Variants in RPS6KA3 observed in about 807,000 individuals in gnomAD.
RPS6KA3 encodes ribosomal protein S6 kinase A3.
Under a neutral mutation model 67.2 loss-of-function variants are expected in RPS6KA3, and 4 were observed. The ratio of observed to expected loss-of-function variants is 0.06; its 90% CI spans 0.03 to 0.14. The LOEUF is 0.14. RPS6KA3 is among the 10% of genes least tolerant of loss of function. The probability of loss-of-function intolerance (pLI) is 1.00; values close to 1 mark genes in which losing one functional copy is unlikely to be tolerated. For missense variants in RPS6KA3, 204 were observed against 559.0 expected (o/e 0.36, Z 6.40); for synonymous variants, 182 against 183.7 (o/e 0.99, Z 0.07).
At chrX:20,255,484 T>C (rs2070016469) in intron 1 of RPS6KA3, among the ~76,000 whole-genome samples, 1 of 111,535 alleles carries the variant, frequency 9.0e-6, no homozygotes, top group Non-Finnish European at 1.9e-5. Context: ...TATGTAAATA[T>C]CTCAATTAAA....
chrX:20,248,893 C>G (rs1397123471), intron 1 of RPS6KA3, among the ~76,000 whole-genome samples: 2 of 110,151 alleles, frequency 1.8e-5, no homozygotes, highest in East Asian at 5.6e-4. Flanking sequence ...GCCATTTGAT[C>G]ACGTGTGGGT....
intron 3 of RPS6KA3, among the ~76,000 whole-genome samples, chrX:20,207,171 A>AG (rs2068592903): frequency 8.9e-6 from 1 of 112,150 alleles, no homozygotes; most frequent in African/African-American, 3.2e-5. Context: ...GAAAGGTGGT[A>AG]GCATATTCTC....
chrX:20,206,683 T>C (rs1220994542), intron 3 of RPS6KA3, among the ~76,000 whole-genome samples: 1 of 112,143 alleles, frequency 8.9e-6, no homozygotes, highest in Non-Finnish European at 1.9e-5. Context: ...GCAAGTGCCA[T>C]GAAGATGACG....
chrX:20,188,154 T>TC (rs1833747690), intron 8 of RPS6KA3, among the ~76,000 whole-genome samples, 184 bp from the exon 9 acceptor site: 1 of 111,663 alleles, frequency 9.0e-6, no homozygotes, highest in African/African-American at 3.3e-5. Flanking sequence ...GCTCACTGTA[T>TC]CCTCTGCCTC....
intron 3 of RPS6KA3, among the ~76,000 whole-genome samples, chrX:20,207,644 C>T (rs1284653903): frequency 1.8e-5 from 2 of 111,057 alleles, no homozygotes; most frequent in Non-Finnish European, 1.9e-5. Flanking sequence ...AATGGGGATC[C>T]AAGAGGTTAA....
At chrX:20,219,962 GAC>G (rs1263930534) in intron 2 of RPS6KA3, among the ~76,000 whole-genome samples, 1 of 111,499 alleles carries the variant, frequency 9.0e-6, no homozygotes, top group East Asian at 2.8e-4. Context: ...AAAATCTAAA[GAC>G]ACTCTAGAAA....
chrX:20,255,747 C>T (rs1183128709), intron 1 of RPS6KA3, among the ~76,000 whole-genome samples: 1 of 74,142 alleles, frequency 1.3e-5, no homozygotes, highest in Non-Finnish European at 2.4e-5. Flanking sequence ...GAGACTGCAC[C>T]ACTGCATACT....
chrX:20,190,909 T>C (rs1430812580), intron 7 of RPS6KA3, among the ~76,000 whole-genome samples: 1 of 109,581 alleles, frequency 9.1e-6, no homozygotes, highest in Admixed American at 9.8e-5. Flanking sequence ...CTAGGATACA[T>C]GTGCAGAACG....
At chrX:20,197,011 T>C (rs933312287) in intron 4 of RPS6KA3, among the ~76,000 whole-genome samples, 3 of 112,096 alleles carry the variant, frequency 2.7e-5, no homozygotes, top group African/African-American at 6.5e-5. Context: ...GGCTAATTTT[T>C]GTATTTGTGG....
At position 20,212,653 on chromosome X, in the gene RPS6KA3, C is replaced by T. The variant is rs764351902; in HGVS notation, c.127-3249G>A. Among the ~76,000 whole-genome samples, 205 of 110,406 alleles carry T rather than the reference C, an allele frequency of 1.9e-3. 1 individual carries two copies. The highest frequency in any genetic ancestry group is 9.2e-3 in the Middle Eastern group (2 of 217). ...ACTCAGGAAGCTGAGATGTGAGGAT[C>T]GCTTGAGCCCAGGAGGTCGAGGCTA... On this transcript the variant is annotated intron_variant, in intron 2 of 21. Coordinates refer to ENST00000379565, the MANE Select transcript of RPS6KA3 (RefSeq NM_004586.3).
At chrX:20,179,259 G>A (rs1337610355) in intron 10 of RPS6KA3, among the ~76,000 whole-genome samples, 1 of 111,971 alleles carries the variant, frequency 8.9e-6, no homozygotes, top group Non-Finnish European at 1.9e-5. Context: ...TCAAAGATGT[G>A]AAGTCATGCA....
intron 2 of RPS6KA3, among the ~76,000 whole-genome samples, chrX:20,220,900 T>C (rs929087741): frequency 3.6e-5 from 4 of 111,859 alleles, no homozygotes; most frequent in African/African-American, 1.3e-4. Flanking sequence ...GTTTGGAGAA[T>C]GCAGACACCA....
intron 17 of RPS6KA3, among the ~76,000 whole-genome samples, chrX:20,167,118 C>T (rs1029320705): frequency 4.5e-5 from 5 of 112,038 alleles, no homozygotes; most frequent in African/African-American, 1.3e-4. Flanking sequence ...AGCTACCGTG[C>T]CCAGCCTAGA....
intron 15 of RPS6KA3, among the ~76,000 whole-genome samples, chrX:20,172,358 T>C (rs761437441): frequency 1.8e-5 from 2 of 112,188 alleles, no homozygotes; most frequent in Non-Finnish European, 3.8e-5. Context: ...CAGATCCTTT[T>C]AGATGCAAAG....
intron 2 of RPS6KA3, among the ~76,000 whole-genome samples, chrX:20,225,586 A>C (rs1414664466): frequency 9.0e-6 from 1 of 111,272 alleles, no homozygotes; most frequent in Admixed American, 9.6e-5. Context: ...ACCATGGTAC[A>C]AATTTTCCCT....
chrX:20,165,869 C>A (rs1053279875), intron 17 of RPS6KA3, among the ~76,000 whole-genome samples: 1 of 110,908 alleles, frequency 9.0e-6, no homozygotes, highest in Admixed American at 9.7e-5. Context: ...TTATCCGTGG[C>A]GTATATGTTT....
intron 7 of RPS6KA3, 62 bp from the exon 8 acceptor site, chrX:20,188,596 G>A: frequency 1.7e-6 from 1 of 586,908 alleles, no homozygotes; most frequent in South Asian, 2.5e-5. Flanking sequence ...AGCTAAGACT[G>A]AAATTACATC....
At position 20,151,657 on chromosome X, in the gene RPS6KA3, T is replaced by C. The variant is rs775878780; in HGVS notation, c.*3741A>G. 1 of 111,952 alleles carries C rather than the reference T, an allele frequency of 8.9e-6. No individual in the cohort carries two copies. The highest frequency in any genetic ancestry group is 1.9e-5 in the Non-Finnish European group (1 of 53,142). 9.2% of individuals were successfully genotyped at this position (111,952 alleles called of 1,213,427 possible). A position where few individuals can be genotyped will look rare whatever the true frequency, so the allele number is the denominator to read the frequency against. On this transcript the variant is annotated 3_prime_UTR_variant, in exon 22 of 22. Transcript: ENST00000379565. ...CTAATGCCTTCATAAGTCTCAATGC[T>C]CAATCAACCATAAGATAGAATTTTC... is the stretch of plus-strand genomic sequence containing the variant.
At chrX:20,161,587 A>G (rs2067305045) in intron 20 of RPS6KA3, 57 bp downstream of exon 20, 1 of 562,259 alleles carries the variant, frequency 1.8e-6, no homozygotes, top group African/African-American at 2.3e-5. Context: ...ATTTCTTCTC[A>G]CTATGGATCA....
Sources: gnomAD v4.1 joint callset for allele counts (sites outside exome capture counted in the v4.1 genomes callset) on GRCh38, gnomAD v4.1.1 for gene constraint, MANE v1.5 for transcripts, NCBI Gene and HGNC (gene_info 2026-07-23, HGNC 2026-07-21) for gene names.